The following FYTTD1 variants were observed in gnomAD, a reference collection of about 807,000 sequenced individuals.
FYTTD1 encodes the protein forty-two-three domain containing 1.
In FYTTD1, 22 loss-of-function variants were observed where a neutral mutation model predicts 40.9. The ratio of observed to expected loss-of-function variants is 0.54; its 90% CI spans 0.38 to 0.77. The LOEUF is 0.77. FYTTD1 is among the 30% of genes least tolerant of loss of function. The pLI, the probability that FYTTD1 is intolerant of heterozygous loss-of-function variation, is 0.00. For synonymous variants in FYTTD1, 140 were observed against 137.9 expected, an observed-to-expected ratio of 1.01 and a Z score of -0.10; for missense variants, 351 against 392.2, an observed-to-expected ratio of 0.90 and a Z score of 0.89.
chr3:197,760,358 T>C (rs1729343999), intron 2 of FYTTD1, among the ~76,000 whole-genome samples: 1 of 152,158 alleles, frequency 6.6e-6, no homozygotes, highest in African/African-American at 2.4e-5. Context: ...TGGTAGAATG[T>C]ATAGAGTGTT....
chr3:197,771,681 G>A (rs1275687302), intron 4 of FYTTD1, among the ~76,000 whole-genome samples: 4 of 149,366 alleles, frequency 2.7e-5, no homozygotes, highest in South Asian at 2.1e-4. Flanking sequence ...GGAGGCTGAG[G>A]CAGGAGAATG....
chr3:197,773,570 C>T (rs1030125833), intron 5 of FYTTD1, 71 bp downstream of exon 5: 1 of 860,670 alleles, frequency 1.2e-6, no homozygotes, highest in Non-Finnish European at 1.9e-6. Context: ...TGAGCAGCCA[C>T]CTTTAGTAAG....
chr3:197,765,365 T>C (rs898671594), intron 2 of FYTTD1, among the ~76,000 whole-genome samples: 6 of 152,206 alleles, frequency 3.9e-5, no homozygotes, highest in African/African-American at 9.7e-5. Flanking sequence ...ATCAGTCTTA[T>C]CAGATTATCA....
intron 8 of FYTTD1, among the ~76,000 whole-genome samples, chr3:197,780,180 C>T (rs1373039583): frequency 2.6e-5 from 4 of 151,282 alleles, no homozygotes; most frequent in African/African-American, 9.7e-5. Context: ...TACAGGCACA[C>T]ACACCACACC....
intron 8 of FYTTD1, among the ~76,000 whole-genome samples, chr3:197,780,568 A>T (rs576498999): frequency 6.7e-6 from 1 of 150,004 alleles, no homozygotes; most frequent in East Asian, 2.0e-4. Context: ...TTTGAGATGG[A>T]GTCTTGCTCT....
chr3:197,781,907 T>C lies in FYTTD1; in HGVS notation c.955T>C (p.Ter319GlnextTer8). ...GGGAAGCCGCTTTGTCACCGTGGGA[T>C]AGGTCCCATGTCAAAGGAACTTTTG... Reference protein sequence around the residue: ...KGGSRFVTVG* With the variant: ...KGGSRFVTVGQ The change falls in exon 9 of 9, where the codon TAG (stop) becomes CAG (glutamine). Residue 319 changes from the stop codon to glutamine, a stop_lost. Coordinates refer to ENST00000241502, the MANE Select transcript of FYTTD1 (RefSeq NM_032288.7). 1.3e-6 allele frequency: 2 copies of C among 1,592,256 alleles called. No individual in the cohort carries two copies. The highest frequency in any genetic ancestry group is 1.1e-5 in the South Asian group (1 of 87,356).
At chr3:197,767,513 A>T (rs1580457758) in intron 2 of FYTTD1, among the ~76,000 whole-genome samples, 2 of 143,954 alleles carry the variant, frequency 1.4e-5, no homozygotes, top group African/African-American at 5.2e-5. Flanking sequence ...TAATCTATTT[A>T]TTTTTTGGAG....
intron 2 of FYTTD1, among the ~76,000 whole-genome samples, chr3:197,759,989 T>C (rs1729328733): frequency 6.6e-6 from 1 of 151,054 alleles, no homozygotes. Context: ...AGTTCTTCAG[T>C]GGTAGAACAT....
At chr3:197,754,179 C>T (rs1020612861) in intron 1 of FYTTD1, among the ~76,000 whole-genome samples, 10 of 152,058 alleles carry the variant, frequency 6.6e-5, no homozygotes, top group Admixed American at 6.5e-4. Flanking sequence ...GAGTAAGTAG[C>T]ACTTTGTGAA....
chr3:197,772,538 G>A (rs1488334222), intron 4 of FYTTD1, among the ~76,000 whole-genome samples: 1 of 152,156 alleles, frequency 6.6e-6, no homozygotes, highest in Admixed American at 6.5e-5. Flanking sequence ...TTAAAAAAAA[G>A]AATTGGTGAC....
At position 197,756,504 on chromosome 3, in the gene FYTTD1, G is replaced by A; in HGVS notation, c.182G>A (p.Ser61Asn). The A allele has an allele frequency of 6.2e-7, 1 of 1,613,572 alleles. No homozygotes were observed. Among genetic ancestry groups the A allele is most frequent in the Non-Finnish European group, 8.5e-7 (1 of 1,179,462 alleles). The change falls in exon 2 of 9, where the codon AGT becomes AAT. Residue 61 changes from serine to asparagine, a missense_variant. Physicochemically the swap from Ser to Asn is conservative, Grantham distance 46. Transcript: ENST00000241502. Reference protein sequence around the residue: ...PRLNRRLLQQSGAQQFRMRVR... With the variant: ...PRLNRRLLQQNGAQQFRMRVR... ...CTAAATAGAAGACTCCTCCAGCAAA[G>A]TGGTGCCCAGCAATTCAGGATGAGA...
At position 197,774,451 on chromosome 3, in the gene FYTTD1, G is replaced by A. The variant is rs531809283; in HGVS notation, c.656+241G>A. Among the ~76,000 whole-genome samples the A allele has an allele frequency of 2.2e-4, 33 of 152,270 alleles. No homozygotes were observed. In the South Asian group the frequency reaches 5.8e-3, roughly 27 times the overall value. ...AGTGCCATAATGTCACCTGTGTATC[G>A]CCACTGCACACCAGCCTGAGCAGCA... On this transcript the variant is annotated intron_variant, in intron 6 of 8. Coordinates refer to ENST00000241502, the MANE Select transcript of FYTTD1 (RefSeq NM_032288.7).
chr3:197,770,096 G>A (rs375502433), intron 3 of FYTTD1, 36 bp from the exon 4 acceptor site: 305 of 1,251,024 alleles, frequency 2.4e-4, no homozygotes, highest in Non-Finnish European at 3.2e-4. Flanking sequence ...ATAGAAAAAT[G>A]CAATTTGATT....
intron 1 of FYTTD1, 35 bp from the exon 2 acceptor site, chr3:197,756,391 T>G (rs770748356): frequency 2.0e-6 from 3 of 1,519,584 alleles, no homozygotes; most frequent in Non-Finnish European, 1.8e-6. Context: ...TGAGTTAAGT[T>G]AAAATGAAAA....
chr3:197,753,477 G>T (rs1042382325), intron 1 of FYTTD1, among the ~76,000 whole-genome samples: 1 of 151,610 alleles, frequency 6.6e-6, no homozygotes, highest in Non-Finnish European at 1.5e-5. Context: ...CTATTACCAT[G>T]TATATTCCTC....
rs183640454 is a variant in FYTTD1 at position 197,777,314 on chromosome 3, T to G, written c.731+313T>G. 4.6e-5 allele frequency among the ~76,000 whole-genome samples: 7 copies of G among 152,310 alleles called. No individual in the cohort carries two copies. The East Asian group carries it at 7.7e-4, about 17-fold the overall frequency. On this transcript the variant is annotated intron_variant, in intron 7 of 8. Coordinates refer to ENST00000241502, the MANE Select transcript of FYTTD1 (RefSeq NM_032288.7). ...CTCTGTTACCCAGGCTGGAGTGCAGTGCCATGATCATGGCTTATTGCAGTC... is the reference window on the plus strand; with the variant it reads ...CTCTGTTACCCAGGCTGGAGTGCAGGGCCATGATCATGGCTTATTGCAGTC...
At chr3:197,765,365 T>A (rs898671594) in intron 2 of FYTTD1, among the ~76,000 whole-genome samples, 2 of 152,208 alleles carry the variant, frequency 1.3e-5, no homozygotes, top group Admixed American at 6.5e-5. Context: ...ATCAGTCTTA[T>A]CAGATTATCA....
At chr3:197,773,541 T>TTGTG (rs1553909687) in intron 5 of FYTTD1, 42 bp downstream of exon 5, 1 of 1,283,730 alleles carries the variant, frequency 7.8e-7, no homozygotes, top group Non-Finnish European at 1.1e-6. Flanking sequence ...GTTTGTTTGT[T>TTGTG]TTTTCCCAAA....
chr3:197,760,328 T>C (rs1580450445), intron 2 of FYTTD1, among the ~76,000 whole-genome samples: 1 of 151,818 alleles, frequency 6.6e-6, no homozygotes, highest in South Asian at 2.1e-4. Flanking sequence ...AGTGGTAGAA[T>C]GTATAGAGTT....
Sources: allele counts gnomAD v4.1 joint callset (sites outside exome capture counted in the v4.1 genomes callset), GRCh38; gene constraint gnomAD v4.1.1; transcripts MANE v1.5; gene names NCBI Gene and HGNC (gene_info 2026-07-23, HGNC 2026-07-21).